SHPRH: variants seen among roughly 807,000 people sequenced by gnomAD.
SHPRH encodes SNF2 histone linker PHD RING helicase.
In SHPRH, 106 loss-of-function variants were observed where a neutral mutation model predicts 202.5. The observed-to-expected ratio is 0.52, with a 90% CI of 0.45 to 0.62. SHPRH has a LOEUF of 0.62. SHPRH is among the 20% of genes least tolerant of loss of function. SHPRH has a pLI of 0.00. For missense variants in SHPRH, 1,710 were observed against 2,020.0 expected (o/e 0.85, Z 2.94); for synonymous variants, 729 against 686.0 (o/e 1.06, Z -0.98).
chr6:145,894,161 T>G lies in SHPRH; in HGVS notation c.4684A>C (p.Lys1562Gln). Residue 1562 changes from lysine (K) to glutamine (Q), a missense_variant, in exon 27 of 30, where the codon AAG becomes CAG. Lys to Gln is a moderately conservative substitution (Grantham distance 53). Coordinates refer to ENST00000275233, the MANE Select transcript of SHPRH (RefSeq NM_001042683.3). ...NMEFAQISRV[K>Q]TFQENLSAFK... ...AAATCTTAACATACCTGAAATGTCT[T>G]AACACGACTGATTTGTGCAAATTCC... is the stretch of plus-strand genomic sequence containing the variant. The G allele has an allele frequency of 6.2e-7, 1 of 1,603,620 alleles. No individual in the cohort carries two copies. Among genetic ancestry groups the G allele is most frequent in the Non-Finnish European group, 8.5e-7 (1 of 1,176,204 alleles).
At chr6:145,891,458 C>T (rs888774821) in intron 28 of SHPRH, among the ~76,000 whole-genome samples, 3 of 152,134 alleles carry the variant, frequency 2.0e-5, no homozygotes, top group African/African-American at 7.2e-5. Flanking sequence ...TCTACTTTTC[C>T]AGCTCCTAAC....
downstream of SHPRH, among the ~76,000 whole-genome samples, chr6:145,861,981 G>C (rs573586085): frequency 6.6e-6 from 1 of 152,276 alleles, no homozygotes; most frequent in South Asian, 2.1e-4. Flanking sequence ...GCAGAGAGTA[G>C]AATGGCAGTT....
chr6:145,903,138 T>C (rs1338495026), intron 25 of SHPRH: 1 of 151,886 alleles, frequency 6.6e-6, no homozygotes, highest in Non-Finnish European at 1.5e-5. Flanking sequence ...GTTCATGTTA[T>C]ATAAAACTTA....
At chr6:145,927,941 A>C (rs1483553304) in intron 14 of SHPRH, among the ~76,000 whole-genome samples, 1 of 152,038 alleles carries the variant, frequency 6.6e-6, no homozygotes, top group East Asian at 1.9e-4. Flanking sequence ...TATCGATTAA[A>C]GCACAGTCTG....
chr6:145,903,444 C>G (rs533304231), intron 25 of SHPRH: 1 of 151,184 alleles, frequency 6.6e-6, no homozygotes, highest in Non-Finnish European at 1.5e-5. Context: ...TTTTTCTCTA[C>G]AAAAAGGCTG....
intron 2 of SHPRH, chr6:145,877,620 T>C (rs1351787069): frequency 6.6e-6 from 1 of 152,210 alleles, no homozygotes; most frequent in African/African-American, 2.4e-5. Context: ...TCCCCTTTTA[T>C]TTTCTTTCCT....
chr6:145,857,909 T>C, the SHPRH span, among the ~76,000 whole-genome samples: 1 of 152,140 alleles, frequency 6.6e-6, no homozygotes, highest in Non-Finnish European at 1.5e-5. Flanking sequence ...GTGTTTACAA[T>C]ATTTGCACAG....
At chr6:145,931,067 T>C (rs1391766464) in intron 14 of SHPRH, among the ~76,000 whole-genome samples, 1 of 152,138 alleles carries the variant, frequency 6.6e-6, no homozygotes, top group East Asian at 1.9e-4. Flanking sequence ...GGCTTTATCG[T>C]TCTTTTGATT....
chr6:145,933,657 T>C (rs1192926098), intron 13 of SHPRH, among the ~76,000 whole-genome samples: 1 of 152,236 alleles, frequency 6.6e-6, no homozygotes, highest in East Asian at 1.9e-4. Flanking sequence ...CAGCAATTTG[T>C]TCATATATCT....
chr6:145,922,285 C>T lies in SHPRH; in HGVS notation c.3782+1G>A, dbSNP rs1784494024. 2.5e-6 allele frequency: 4 copies of T among 1,575,696 alleles called. No homozygotes were observed. Among genetic ancestry groups the T allele is most frequent in the Non-Finnish European group, 3.4e-6 (4 of 1,166,932 alleles). Reference sequence around the variant, plus strand: ...GGGTAATAATCAAATAGAGAACTTACGTGTTGGAAAATAGCTTTGATTCAT... The same window carrying T: ...GGGTAATAATCAAATAGAGAACTTATGTGTTGGAAAATAGCTTTGATTCAT... On this transcript the variant is annotated splice_donor_variant, in intron 20 of 29. Transcript: ENST00000275233. LOFTEE classifies it high-confidence loss of function.
At chr6:145,915,460 T>C (rs1364902884) in intron 23 of SHPRH, among the ~76,000 whole-genome samples, 2 of 151,894 alleles carry the variant, frequency 1.3e-5, no homozygotes, top group Non-Finnish European at 2.9e-5. Context: ...ATATTTATTG[T>C]GATGTGTGTT....
chr6:145,891,894 CA>C (rs1562288849), intron 28 of SHPRH, among the ~76,000 whole-genome samples: 1 of 151,894 alleles, frequency 6.6e-6, no homozygotes, highest in Non-Finnish European at 1.5e-5. Context: ...GACAAAAAAT[CA>C]ATATTTAAAA....
At chr6:145,960,014 C>A (rs1178883698) in intron 1 of SHPRH, among the ~76,000 whole-genome samples, 2 of 152,202 alleles carry the variant, frequency 1.3e-5, no homozygotes, top group Admixed American at 6.5e-5. Flanking sequence ...TTAACTACTG[C>A]CACAAACATG....
At chr6:145,947,713 T>C in intron 5 of SHPRH, 70 bp from the exon 6 acceptor site, 1 of 1,554,590 alleles carries the variant, frequency 6.4e-7, no homozygotes, top group South Asian at 1.2e-5. Flanking sequence ...CTAATTACTT[T>C]TCCTAAAGAG....
the SHPRH span, among the ~76,000 whole-genome samples, chr6:145,859,164 AATGT>A: frequency 6.6e-6 from 1 of 152,054 alleles, no homozygotes; most frequent in Non-Finnish European, 1.5e-5. Flanking sequence ...ATAAAAACAA[AATGT>A]ATGTCTAACC....
At chr6:145,875,137 C>T (rs1238984657) in intron 2 of SHPRH, among the ~76,000 whole-genome samples, 1 of 152,150 alleles carries the variant, frequency 6.6e-6, no homozygotes, top group Non-Finnish European at 1.5e-5. Flanking sequence ...CACTTCTGGT[C>T]CCAAGATATG....
chr6:145,898,275 A>C (rs906100742), intron 25 of SHPRH, among the ~76,000 whole-genome samples: 1 of 152,164 alleles, frequency 6.6e-6, no homozygotes, highest in Non-Finnish European at 1.5e-5. Flanking sequence ...TTAGGAGTAA[A>C]TTTAATCAAG....
At chr6:145,935,513 C>T (rs1265611461) in intron 11 of SHPRH, 72 bp from the exon 12 acceptor site, 1 of 1,448,814 alleles carries the variant, frequency 6.9e-7, no homozygotes, top group Non-Finnish European at 9.5e-7. Flanking sequence ...AGCTTTTCTA[C>T]AGACATTACA....
At chr6:145,922,950 T>TC (rs2128750803) in intron 18 of SHPRH, 114 bp from the exon 19 acceptor site, 3 of 1,289,390 alleles carry the variant, frequency 2.3e-6, no homozygotes, top group Non-Finnish European at 3.1e-6. Flanking sequence ...TTGCTGTTTT[T>TC]TTTTTTTTTA....
Sources: gnomAD v4.1 joint callset for allele counts (sites outside exome capture counted in the v4.1 genomes callset) on GRCh38, gnomAD v4.1.1 for gene constraint, MANE v1.5 for transcripts, NCBI Gene and HGNC (gene_info 2026-07-23, HGNC 2026-07-21) for gene names.